Variants in LBR observed in about 807,000 individuals in gnomAD.
LBR encodes the protein lamin B receptor, also known as delta(14)-sterol reductase LBR.
In LBR, 28 loss-of-function variants were observed where a neutral mutation model predicts 74.3. The observed-to-expected ratio is 0.38, with a 90% CI of 0.28 to 0.52. The LOEUF (loss-of-function observed/expected upper bound fraction) is 0.52, where lower values mean the gene tolerates loss of function less well. LBR is among the 20% of genes least tolerant of loss of function. The pLI is 0.89. For missense variants in LBR, 717 were observed against 760.3 expected (o/e 0.94, Z 0.67); for synonymous variants, 228 against 269.3 (o/e 0.85, Z 1.50).
intron 6 of LBR, among the ~76,000 whole-genome samples, chr1:225,417,062 C>A (rs1385802225): frequency 6.6e-6 from 1 of 152,014 alleles, no homozygotes. Context: ...ACTTTAAACA[C>A]CAAAACTGCT....
At chr1:225,406,912 A>C (rs1575219552) in intron 10 of LBR, 80 bp from the exon 11 acceptor site, 1 of 1,385,522 alleles carries the variant, frequency 7.2e-7, no homozygotes, top group Non-Finnish European at 1.0e-6. Flanking sequence ...TTACAGGCAA[A>C]TGTAAAAAGT....
intron 7 of LBR, among the ~76,000 whole-genome samples, chr1:225,412,900 TTTAA>T (rs1436997949): frequency 6.6e-6 from 1 of 152,192 alleles, no homozygotes; most frequent in African/African-American, 2.4e-5. Context: ...ATTATTTGCT[TTTAA>T]TTAAGGGAAA....
chr1:225,419,667 A>C (rs749160003), intron 4 of LBR, 48 bp downstream of exon 4: 6 of 1,444,754 alleles, frequency 4.2e-6, no homozygotes, highest in Non-Finnish European at 9.6e-7. Context: ...TTTTAACCAA[A>C]AAAAAGAAAA....
chr1:225,406,816 G>T lies in LBR; in HGVS notation c.1331C>A (p.Thr444Asn), dbSNP rs186333444. 46 of 1,614,194 alleles carry T rather than the reference G, an allele frequency of 2.8e-5. 1 individual carries two copies. In the East Asian group the frequency reaches 9.1e-4, roughly 32 times the overall value. ...AAATCCATCGTGGATGATGTCCATG[G>T]TCGTCAACAACGCTTCCTATAAGGA... ...ALWNEEALLT[T>N]MDIIHDGFGF... The change falls in exon 11 of 14, where the codon ACC (threonine) becomes AAC (asparagine). Residue 444 changes from threonine (T) to asparagine (N), a missense_variant. Physicochemically the swap from Thr to Asn is moderately conservative, Grantham distance 65. Transcript: ENST00000272163.
intron 2 of LBR, among the ~76,000 whole-genome samples, chr1:225,423,477 T>C (rs1201045606): frequency 2.0e-5 from 3 of 151,562 alleles, no homozygotes; most frequent in Non-Finnish European, 2.9e-5. Flanking sequence ...GCTGACTGTG[T>C]CCCCCAGACC....
At chr1:225,414,174 C>T (rs913830741) in intron 7 of LBR, 25 of 455,842 alleles carry the variant, frequency 5.5e-5, no homozygotes, top group Non-Finnish European at 9.7e-5. Context: ...TATTAAGCAC[C>T]CACCAGGGGT....
intron 13 of LBR, 64 bp downstream of exon 13, chr1:225,404,340 G>C: frequency 6.2e-7 from 1 of 1,605,918 alleles, no homozygotes; most frequent in South Asian, 1.1e-5. Context: ...CCACACAAAG[G>C]ACACACACAC....
intron 6 of LBR, 55 bp from the exon 7 acceptor site, chr1:225,415,387 T>C (rs2150952644): frequency 1.2e-6 from 1 of 842,062 alleles, no homozygotes; most frequent in Non-Finnish European, 2.0e-6. Context: ...CATATATACA[T>C]ATATACACAC....
chr1:225,428,216 C>T (rs1407447424), upstream of LBR, among the ~76,000 whole-genome samples: 1 of 152,056 alleles, frequency 6.6e-6, no homozygotes, highest in Non-Finnish European at 1.5e-5. Context: ...TGGTCGCGCG[C>T]CGTGGCGCGT....
intron 7 of LBR, chr1:225,414,069 C>T (rs1295190250): frequency 2.2e-6 from 1 of 456,736 alleles, no homozygotes; most frequent in Admixed American, 2.3e-5. Flanking sequence ...AAGTGAACCA[C>T]CAGAGGGAGG....
At chr1:225,425,225 G>T (rs76142685) in intron 1 of LBR, among the ~76,000 whole-genome samples, 42 of 152,242 alleles carry the variant, frequency 2.8e-4, no homozygotes, top group African/African-American at 9.4e-4. Context: ...GGGAGAGTGG[G>T]GGGGGAGGCG....
chr1:225,425,258 C>T (rs2096136803), intron 1 of LBR, among the ~76,000 whole-genome samples: 1 of 152,068 alleles, frequency 6.6e-6, no homozygotes, highest in African/African-American at 2.4e-5. Flanking sequence ...CCTTTCTTAA[C>T]CACCACATTT....
chr1:225,411,208 T>C, intron 9 of LBR, 129 bp downstream of exon 9: 2 of 758,878 alleles, frequency 2.6e-6, no homozygotes, highest in Non-Finnish European at 4.8e-6. Context: ...TTTTGATAGA[T>C]TTATGGAAAG....
rs1340523219 is a variant in LBR, at chr1:225,401,848, C to A, written c.*1455G>T. 6.6e-6 allele frequency: 1 copy of A among 152,358 alleles called. No individual in the cohort carries two copies. Among genetic ancestry groups the A allele is most frequent in the East Asian group, 1.9e-4 (1 of 5,188 alleles). 9.4% of individuals were successfully genotyped at this position (152,358 alleles called of 1,614,324 possible). A position where few individuals can be genotyped will look rare whatever the true frequency, so the allele number is the denominator to read the frequency against. The stretch of plus-strand genomic sequence containing the variant: ...ACCGGATGCTGGAGCAAACCAACTT[C>A]ATGACTGCATTAACATAAGCTAAGT... On this transcript the variant is annotated 3_prime_UTR_variant, in exon 14 of 14. Transcript: ENST00000272163.
chr1:225,403,380 A>G lies in LBR; in HGVS notation c.1771T>C (p.Cys591Arg). The change falls in exon 14 of 14, where the codon TGT becomes CGT. Residue 591 changes from cysteine (C) to arginine (R), a missense_variant. By Grantham distance (180) the Cys-to-Arg change is radical. Coordinates refer to ENST00000272163, the MANE Select transcript of LBR (RefSeq NM_002296.4). ...CAAGCCACGCCGTATTTCTTCTTAC[A>G]GTGGTACTCGTCACGAGCTTCTCGG... is the stretch of plus-strand genomic sequence containing the variant. ...VHREARDEYH[C>R]KKKYGVAWEK... The G allele has an allele frequency of 6.2e-7, 1 of 1,613,716 alleles. No homozygotes were observed. The highest frequency in any genetic ancestry group is 8.5e-7 in the Non-Finnish European group (1 of 1,179,764).
intron 6 of LBR, 143 bp from the exon 7 acceptor site, chr1:225,415,475 T>C (rs761778375): frequency 1.2e-5 from 7 of 596,164 alleles, no homozygotes; most frequent in African/African-American, 1.1e-4. Flanking sequence ...GGAAATTTAG[T>C]AATATGTTTC....
chr1:225,404,660 T>C lies in LBR; in HGVS notation c.1530A>G (p.Ala510=), dbSNP rs2096087833. ...IFRGANSQKN[A]FRKNPSDPKL... ...TTGGATCACTGGGATTTTTCCGGAA[T>C]GCATTTTTCTGAGAATTTGCACCTC... Residue 510 remains alanine (A), a synonymous_variant, in exon 12 of 14, where the codon GCA becomes GCG. Transcript: ENST00000272163. The C allele has an allele frequency of 6.2e-7, 1 of 1,611,880 alleles. No individual in the cohort carries two copies. The highest frequency in any genetic ancestry group is 1.3e-5 in the African/African-American group (1 of 74,988).
At position 225,428,038 on chromosome 1, in the gene LBR, T is replaced by C. The variant is rs1277753394; in HGVS notation, c.-99A>G. On this transcript the variant is annotated 5_prime_UTR_variant, in exon 1 of 14. Transcript: ENST00000272163. ...GGCGGCAGATCCACGCGCGCGACGC[T>C]ACCCGGCCGCGCTCTCGCGCCCCGC... The C allele has an allele frequency of 3.3e-5, 5 of 151,688 alleles. No homozygotes were observed. The highest frequency in any genetic ancestry group is 1.3e-4 in the Admixed American group (2 of 15,242). 9.4% of individuals were successfully genotyped at this position (151,688 alleles called of 1,614,324 possible).
chr1:225,408,234 A>G (rs1323728829), intron 10 of LBR, among the ~76,000 whole-genome samples: 1 of 151,940 alleles, frequency 6.6e-6, no homozygotes, highest in African/African-American at 2.4e-5. Context: ...TCTACTTTAT[A>G]CTTCTATGAC....
Sources: allele counts gnomAD v4.1 joint callset (sites outside exome capture counted in the v4.1 genomes callset), GRCh38; gene constraint gnomAD v4.1.1; transcripts MANE v1.5; gene names NCBI Gene and HGNC (gene_info 2026-07-23, HGNC 2026-07-21).